RIC1: variants seen among roughly 807,000 people sequenced by gnomAD.
The protein encoded by RIC1 is guanine nucleotide exchange factor subunit RIC1.
Under a neutral mutation model 169.0 loss-of-function variants are expected in RIC1, and 88 were observed. The ratio of observed to expected loss-of-function variants is 0.52; its 90% CI spans 0.44 to 0.62. The LOEUF (loss-of-function observed/expected upper bound fraction) is 0.62, where lower values mean the gene tolerates loss of function less well. Ranked by LOEUF, RIC1 falls within the 20% of genes least tolerant of loss-of-function variation. The pLI, the probability that RIC1 is intolerant of heterozygous loss-of-function variation, is 0.00. For synonymous variants in RIC1, 790 were observed against 601.5 expected (o/e 1.31, Z -4.59); for missense variants, 1,877 against 1,725.5 (o/e 1.09, Z -1.56).
At chr9:5,704,270 T>G (rs7021429) in intron 3 of RIC1, among the ~76,000 whole-genome samples, 57,540 of 151,646 alleles carry the variant, frequency 0.38, 16,229 homozygotes, top group African/African-American at 0.8. Flanking sequence ...CCAGGCAGTG[T>G]CACAATCATA....
intron 3 of RIC1, among the ~76,000 whole-genome samples, chr9:5,699,999 A>C (rs1451272317): frequency 6.6e-6 from 1 of 151,862 alleles, no homozygotes; most frequent in Non-Finnish European, 1.5e-5. Context: ...AACTGCATTA[A>C]GAAAAAAATT....
chr9:5,738,434 G>T lies in RIC1; in HGVS notation c.813-16G>T. On this transcript the variant is annotated splice_polypyrimidine_tract_variant and intron_variant, in intron 7 of 25. Coordinates refer to ENST00000414202, the MANE Select transcript of RIC1 (RefSeq NM_020829.4). ...TGTCTTTTTTCACTAAAAGTTTTTC[G>T]TTGTTGTTTTCACAGTGGTTCTGTG... 1 of 1,552,342 alleles carries T rather than the reference G, an allele frequency of 6.4e-7. No individual in the cohort carries two copies. The highest frequency in any genetic ancestry group is 8.8e-7 in the Non-Finnish European group (1 of 1,141,536).
intron 2 of RIC1, among the ~76,000 whole-genome samples, chr9:5,670,163 A>G (rs936963460): frequency 2.6e-5 from 4 of 152,316 alleles, no homozygotes; most frequent in African/African-American, 9.6e-5. Flanking sequence ...CCCCTTCTGC[A>G]GCTTCTAAGT....
downstream of RIC1, among the ~76,000 whole-genome samples, chr9:5,776,928 T>G (rs1353103840): frequency 6.6e-6 from 1 of 152,128 alleles, no homozygotes; most frequent in African/African-American, 2.4e-5. Context: ...TTTCCCATTT[T>G]CCTAATTTCA....
intron 2 of RIC1, among the ~76,000 whole-genome samples, chr9:5,685,909 T>C (rs960447171): frequency 5.4e-5 from 8 of 148,200 alleles, no homozygotes; most frequent in Admixed American, 2.0e-4. Context: ...GAATCTACAA[T>C]GAACTCAAAC....
At chr9:5,755,403 G>T (rs1251233481) in intron 15 of RIC1, among the ~76,000 whole-genome samples, 1 of 152,102 alleles carries the variant, frequency 6.6e-6, no homozygotes, top group Non-Finnish European at 1.5e-5. Context: ...ATTTGTAAGA[G>T]ATTAATAATG....
chr9:5,689,376 T>C (rs1047528734), intron 2 of RIC1, among the ~76,000 whole-genome samples: 1 of 152,198 alleles, frequency 6.6e-6, no homozygotes, highest in African/African-American at 2.4e-5. Flanking sequence ...AAAAATATTT[T>C]GTTAACTTAG....
At chr9:5,739,067 A>G (rs1226723762) in intron 8 of RIC1, among the ~76,000 whole-genome samples, 1 of 152,114 alleles carries the variant, frequency 6.6e-6, no homozygotes, top group African/African-American at 2.4e-5. Flanking sequence ...TTCTTCAAAG[A>G]TGTAGCTGCT....
rs542733037 is a variant in RIC1, at chr9:5,687,490, T to C, written c.253-2469T>C. On this transcript the variant is annotated intron_variant, in intron 2 of 25. Coordinates refer to ENST00000414202, the MANE Select transcript of RIC1 (RefSeq NM_020829.4). ...AATATAAGTATTTTAAGGCTGTAAA[T>C]TTCCTCTTTAGTACTGCTTTAGCAG... Among the ~76,000 whole-genome samples the C allele has an allele frequency of 7.2e-4, 109 of 152,294 alleles. 1 individual carries two copies. Among genetic ancestry groups the C allele is most frequent in the African/African-American group, 2.5e-3 (104 of 41,592 alleles).
At chr9:5,721,331 AT>A (rs934329139) in intron 6 of RIC1, among the ~76,000 whole-genome samples, 1 of 152,216 alleles carries the variant, frequency 6.6e-6, no homozygotes, top group Non-Finnish European at 1.5e-5. Context: ...GCATGCAGAC[AT>A]ACTGAAAGGT....
chr9:5,754,209 C>G (rs1257308524), intron 14 of RIC1, among the ~76,000 whole-genome samples: 1 of 152,152 alleles, frequency 6.6e-6, no homozygotes, highest in Non-Finnish European at 1.5e-5. Context: ...AACACACACA[C>G]ACACACAAAC....
intron 1 of RIC1, among the ~76,000 whole-genome samples, chr9:5,651,413 C>T (rs1447267861): frequency 6.6e-6 from 1 of 151,796 alleles, no homozygotes. Flanking sequence ...ATCTTGAAGC[C>T]CCTCCTCTAT....
At chr9:5,731,105 T>C (rs557003323) in intron 6 of RIC1, among the ~76,000 whole-genome samples, 2 of 152,166 alleles carry the variant, frequency 1.3e-5, no homozygotes, top group Non-Finnish European at 2.9e-5. Flanking sequence ...TTTTTTTGTA[T>C]AGTATTTTTT....
intron 1 of RIC1, among the ~76,000 whole-genome samples, chr9:5,630,073 G>C (rs565726585): frequency 1.1e-4 from 16 of 152,300 alleles, no homozygotes; most frequent in African/African-American, 3.1e-4. Context: ...TCGGAATAGG[G>C]GGTTAAAGGA....
Position 5,765,769 on chromosome 9 carries a change from A to G in RIC1, c.3108A>G (p.Leu1036=). 1.9e-6 allele frequency: 3 copies of G among 1,614,176 alleles called. No homozygotes were observed. The highest frequency in any genetic ancestry group is 2.5e-6 in the Non-Finnish European group (3 of 1,179,998). ...GTAAATTCAGTTTACAGAAAACACT[A>G]AGTATGCCATCTGGTCCCTCTGGAA... ...PASKFSLQKT[L]SMPSGPSGKR... is the part of the protein sequence containing the mutation. Residue 1036 remains leucine, a synonymous_variant, in exon 21 of 26, where the codon CTA becomes CTG. Coordinates refer to ENST00000414202, the MANE Select transcript of RIC1 (RefSeq NM_020829.4).
At chr9:5,718,430 C>G (rs1395172567) in intron 4 of RIC1, among the ~76,000 whole-genome samples, 1 of 152,092 alleles carries the variant, frequency 6.6e-6, no homozygotes, top group Non-Finnish European at 1.5e-5. Context: ...GGGAAGGGGT[C>G]TTCCCTGGAG....
chr9:5,661,535 G>C (rs556167846), intron 2 of RIC1, among the ~76,000 whole-genome samples: 1 of 152,244 alleles, frequency 6.6e-6, no homozygotes, highest in South Asian at 2.1e-4. Flanking sequence ...AGTTCCCCTT[G>C]AAGAGGTTCT....
chr9:5,660,465 A>C lies in RIC1; in HGVS notation c.252+3775A>C, dbSNP rs960498953. Among the ~76,000 whole-genome samples the C allele has an allele frequency of 2.6e-5, 4 of 152,176 alleles. No homozygotes were observed. In the East Asian group the frequency reaches 7.7e-4, roughly 29 times the overall value. On this transcript the variant is annotated intron_variant, in intron 2 of 25. Transcript: ENST00000414202. ...AATGGTTGAACTAATTTCCACTCCT[A>C]CCAACAGTGTAAAAGCATTCCTTTT...
chr9:5,637,102 C>G (rs1367448612), intron 1 of RIC1, among the ~76,000 whole-genome samples: 2 of 152,038 alleles, frequency 1.3e-5, no homozygotes, highest in East Asian at 1.9e-4. Flanking sequence ...TTCAGTTGCC[C>G]AGGTTGGAGT....
Sources: gnomAD v4.1 joint callset for allele counts (sites outside exome capture counted in the v4.1 genomes callset) on GRCh38, gnomAD v4.1.1 for gene constraint, MANE v1.5 for transcripts, NCBI Gene and HGNC (gene_info 2026-07-23, HGNC 2026-07-21) for gene names.